The following PCDH11X variants were observed in gnomAD, a reference collection of about 807,000 sequenced individuals.
PCDH11X encodes the protein protocadherin-11 X-linked.
Under a neutral mutation model 53.3 loss-of-function variants are expected in PCDH11X, and 18 were observed. That is an observed-to-expected ratio of 0.34 (90% CI 0.23 to 0.50). PCDH11X has a LOEUF of 0.50. Among genes scored for constraint, PCDH11X ranks in the 20% least tolerant of loss-of-function variants. The pLI, the probability that PCDH11X is intolerant of heterozygous loss-of-function variation, is 0.98. For synonymous variants in PCDH11X, 279 were observed against 393.3 expected, an observed-to-expected ratio of 0.71 and a Z score of 3.44; for missense variants, 570 against 1,032.4, an observed-to-expected ratio of 0.55 and a Z score of 6.14.
chrX:92,499,611 G>A (rs1402899987), intron 10 of PCDH11X, among the ~76,000 whole-genome samples: 2 of 52,749 alleles, frequency 3.8e-5, no homozygotes, highest in Non-Finnish European at 6.2e-5. Context: ...ACCAGGCTGG[G>A]CATCATAGTA....
chrX:92,552,225 T>C (rs1430545597), intron 10 of PCDH11X, among the ~76,000 whole-genome samples: 1 of 86,395 alleles, frequency 1.2e-5, no homozygotes, highest in African/African-American at 4.0e-5. Flanking sequence ...CAATTTTTTT[T>C]CATCAGTGTT....
intron 8 of PCDH11X, among the ~76,000 whole-genome samples, chrX:92,358,982 C>T (rs1383494938): frequency 9.2e-6 from 1 of 108,567 alleles, no homozygotes; most frequent in Non-Finnish European, 1.9e-5. Context: ...AAGCTGTCAT[C>T]AGAAGGCAGT....
intron 10 of PCDH11X, among the ~76,000 whole-genome samples, chrX:92,606,120 G>A (rs6619089): frequency 0.026 from 2,682 of 103,384 alleles, 144 homozygotes; most frequent in East Asian, 0.19. Context: ...AATGCCAGCT[G>A]CTTGGGAGGC....
chrX:92,503,612 A>T (rs1203495034), intron 10 of PCDH11X, among the ~76,000 whole-genome samples: 2 of 102,777 alleles, frequency 1.9e-5, no homozygotes, highest in African/African-American at 7.0e-5. Flanking sequence ...ATCCTCAGCA[A>T]ACTAACGCAG....
At chrX:92,481,669 G>A (rs2073509922) in intron 10 of PCDH11X, among the ~76,000 whole-genome samples, 1 of 111,804 alleles carries the variant, frequency 8.9e-6, no homozygotes, top group African/African-American at 3.3e-5. Context: ...TTCCTCTAGG[G>A]ATAAATTCTC....
chrX:92,225,331 C>CAA (rs35632625), intron 7 of PCDH11X, among the ~76,000 whole-genome samples: 80 of 69,394 alleles, frequency 1.2e-3, no homozygotes, highest in East Asian at 4.6e-3. Flanking sequence ...CACAATAATT[C>CAA]AAAAAAAAAA....
chrX:92,375,167 T>TATATATATATATATATATATATA, intron 8 of PCDH11X, among the ~76,000 whole-genome samples: 1 of 7,370 alleles, frequency 1.4e-4, no homozygotes, highest in African/African-American at 7.0e-4. Flanking sequence ...TATATATATA[T>TATATATATATATATATATATATA]TTTTTTTTTT....
At chrX:91,973,109 TA>T (rs1321943635) in intron 6 of PCDH11X, among the ~76,000 whole-genome samples, 5 of 108,945 alleles carry the variant, frequency 4.6e-5, no homozygotes, top group African/African-American at 1.7e-4. Flanking sequence ...TATGCAGCCA[TA>T]AAAAATGATG....
chrX:91,918,544 A>G (rs186058623), intron 6 of PCDH11X, among the ~76,000 whole-genome samples: 323 of 111,169 alleles, frequency 2.9e-3, no homozygotes, highest in Non-Finnish European at 5.3e-3. Flanking sequence ...ATAATGATAC[A>G]TAACAATAAG....
At chrX:92,049,128 T>C (rs1456673004) in intron 6 of PCDH11X, among the ~76,000 whole-genome samples, 1 of 110,604 alleles carries the variant, frequency 9.0e-6, no homozygotes, top group Non-Finnish European at 1.9e-5. Context: ...ATGTTTCTTA[T>C]TGGACCTAAA....
Position 92,620,174 on chromosome X carries a change from T to C in PCDH11X, c.*1234T>C, listed in dbSNP as rs1928379293. Reference sequence around the variant, plus strand: ...AGGGAGAAATAAGGCACATGACTGCTTCTTGCAGTCAACAAGAAATACCAA... The same window carrying C: ...AGGGAGAAATAAGGCACATGACTGCCTCTTGCAGTCAACAAGAAATACCAA... On this transcript the variant is annotated 3_prime_UTR_variant, in exon 11 of 11. Coordinates refer to ENST00000682573, the MANE Select transcript of PCDH11X (RefSeq NM_032968.5). 9.0e-6 allele frequency: 1 copy of C among 110,786 alleles called. No homozygotes were observed. The highest frequency in any genetic ancestry group is 3.3e-5 in the African/African-American group (1 of 30,532). The allele number at this position is 110,786 out of a possible 1,213,427, so 9.1% of individuals were successfully genotyped here. A position where few individuals can be genotyped will look rare whatever the true frequency, so the allele number is the denominator to read the frequency against.
In PCDH11X at chrX:91,879,259, G is replaced by A. The variant is rs753325542; in HGVS notation, c.3019G>A (p.Val1007Ile). 1.7e-5 allele frequency: 21 copies of A among 1,209,444 alleles called. No homozygotes were observed. Among genetic ancestry groups the A allele is most frequent in the South Asian group, 1.6e-4 (9 of 56,737 alleles). The stretch of plus-strand genomic sequence containing the variant: ...GACGACCTTCGAGGTACCTGTGTCC[G>A]TACACACCAGACCGGTAGGTATCCA... ...PVTTFEVPVS[V>I]HTRPPMKEVV... Residue 1007 changes from valine (V) to isoleucine (I), a missense_variant, in exon 6 of 11, where the codon GTA becomes ATA. Coordinates refer to ENST00000682573, the MANE Select transcript of PCDH11X (RefSeq NM_032968.5).
At chrX:92,383,675 A>G (rs2070941459) in intron 8 of PCDH11X, among the ~76,000 whole-genome samples, 1 of 111,784 alleles carries the variant, frequency 8.9e-6, no homozygotes, top group East Asian at 2.8e-4. Flanking sequence ...TTATGGCTGC[A>G]TAGTATTCCA....
chrX:92,406,769 G>GA (rs1176634898), intron 9 of PCDH11X, among the ~76,000 whole-genome samples: 4 of 104,993 alleles, frequency 3.8e-5, no homozygotes, highest in Non-Finnish European at 7.8e-5. Flanking sequence ...AAAAAAAAAA[G>GA]AAAAAAAATC....
At chrX:92,257,281 A>G (rs917728463) in intron 7 of PCDH11X, among the ~76,000 whole-genome samples, 2 of 111,475 alleles carry the variant, frequency 1.8e-5, no homozygotes, top group Middle Eastern at 4.6e-3. Flanking sequence ...GTCATCTCCC[A>G]TCAGCCCCCA....
intron 6 of PCDH11X, among the ~76,000 whole-genome samples, chrX:91,980,933 A>G (rs1481999727): frequency 9.7e-6 from 1 of 102,629 alleles, no homozygotes; most frequent in Non-Finnish European, 2.0e-5. Flanking sequence ...GAGGTTGTAC[A>G]CAGTGTATAT....
At chrX:92,527,820 TATCTGA>T (rs2074482952) in intron 10 of PCDH11X, among the ~76,000 whole-genome samples, 1 of 110,871 alleles carries the variant, frequency 9.0e-6, no homozygotes, top group Non-Finnish European at 1.9e-5. Flanking sequence ...TCAGCCCAAA[TATCTGA>T]ATTTTACTTT....
chrX:92,046,807 A>G (rs1357564095), intron 6 of PCDH11X, among the ~76,000 whole-genome samples: 2 of 108,938 alleles, frequency 1.8e-5, no homozygotes, highest in Non-Finnish European at 1.9e-5. Context: ...ATCCTTCATT[A>G]CTATTAGAAA....
intron 6 of PCDH11X, among the ~76,000 whole-genome samples, chrX:91,981,417 T>C (rs964783433): frequency 9.1e-6 from 1 of 110,387 alleles, no homozygotes; most frequent in African/African-American, 3.3e-5. Context: ...TCCTAAGTGC[T>C]CTGGAAGTCT....
Sources: allele counts gnomAD v4.1 joint callset (sites outside exome capture counted in the v4.1 genomes callset), GRCh38; gene constraint gnomAD v4.1.1; transcripts MANE v1.5; gene names NCBI Gene and HGNC (gene_info 2026-07-23, HGNC 2026-07-21).